The following MBNL1 variants were observed in gnomAD, a reference collection of about 807,000 sequenced individuals.
MBNL1 encodes the protein muscleblind-like protein 1.
A neutral mutation model predicts 42.2 loss-of-function variants in MBNL1; 8 were observed. That is an observed-to-expected ratio of 0.19 (90% CI 0.11 to 0.34). The LOEUF is 0.34. Among genes scored for constraint, MBNL1 ranks in the 10% least tolerant of loss-of-function variants. The pLI is 1.00. For synonymous variants in MBNL1, 169 were observed against 173.9 expected (o/e 0.97, Z 0.22); for missense variants, 309 against 495.3 (o/e 0.62, Z 3.57).
chr3:152,359,591 C>T (rs1237567585), intron 2 of MBNL1, among the ~76,000 whole-genome samples: 4 of 152,162 alleles, frequency 2.6e-5, no homozygotes. Flanking sequence ...TATTGCCAGC[C>T]AGTGTAAGCT....
intron 1 of MBNL1, among the ~76,000 whole-genome samples, chr3:152,295,525 A>C (rs1034295164): frequency 2.6e-5 from 4 of 152,180 alleles, no homozygotes; most frequent in Non-Finnish European, 5.9e-5. Context: ...CTCATTTATC[A>C]AACATTTTAA....
chr3:152,277,670 G>T (rs1267330798), intron 1 of MBNL1, among the ~76,000 whole-genome samples: 1 of 152,062 alleles, frequency 6.6e-6, no homozygotes, highest in Non-Finnish European at 1.5e-5. Flanking sequence ...ATACTTACAT[G>T]TCTTTTTAGT....
chr3:152,436,016 C>T (rs2099074451), intron 4 of MBNL1, among the ~76,000 whole-genome samples: 1 of 152,088 alleles, frequency 6.6e-6, no homozygotes, highest in Admixed American at 6.5e-5. Context: ...TCCTCTCTTC[C>T]TATTTGGATA....
At chr3:152,316,828 G>T (rs1311690578) in intron 2 of MBNL1, among the ~76,000 whole-genome samples, 1 of 151,904 alleles carries the variant, frequency 6.6e-6, no homozygotes. Flanking sequence ...AGCTGGCTTT[G>T]CCTTCTCTTT....
At chr3:152,312,557 G>A (rs1254060350) in intron 2 of MBNL1, among the ~76,000 whole-genome samples, 1 of 152,158 alleles carries the variant, frequency 6.6e-6, no homozygotes, top group Non-Finnish European at 1.5e-5. Context: ...AGTATTGATT[G>A]TTCTTATCTG....
At chr3:152,457,182 C>T (rs1028156627) in intron 8 of MBNL1, among the ~76,000 whole-genome samples, 1 of 152,144 alleles carries the variant, frequency 6.6e-6, no homozygotes, top group Non-Finnish European at 1.5e-5. Context: ...ATTCACCCAG[C>T]ATTTTCTGAT....
intron 2 of MBNL1, among the ~76,000 whole-genome samples, chr3:152,411,542 A>T (rs2098568986): frequency 6.6e-6 from 1 of 152,180 alleles, no homozygotes; most frequent in Non-Finnish European, 1.5e-5. Context: ...AAACAAAAAA[A>T]ACTGAAGACA....
At chr3:152,358,788 T>C (rs985868548) in intron 2 of MBNL1, among the ~76,000 whole-genome samples, 2 of 151,816 alleles carry the variant, frequency 1.3e-5, no homozygotes, top group Admixed American at 1.3e-4. Flanking sequence ...TATTATTATT[T>C]TAATAGAGAT....
intron 6 of MBNL1, among the ~76,000 whole-genome samples, chr3:152,450,794 T>C (rs948550828): frequency 4.6e-5 from 7 of 152,168 alleles, no homozygotes. Flanking sequence ...GGTCTTATGA[T>C]TTTTTCCCAG....
intron 2 of MBNL1, among the ~76,000 whole-genome samples, chr3:152,330,437 T>C (rs1472977058): frequency 6.6e-6 from 1 of 152,128 alleles, no homozygotes; most frequent in Non-Finnish European, 1.5e-5. Context: ...AGGACAAAAA[T>C]CTGCCCATTT....
intron 1 of MBNL1, among the ~76,000 whole-genome samples, chr3:152,288,237 A>G (rs926585948): frequency 6.6e-6 from 1 of 152,214 alleles, no homozygotes; most frequent in African/African-American, 2.4e-5. Context: ...TGAGGGCGGA[A>G]TGTTTTTATT....
At chr3:152,252,920 C>A (rs994289019) in intron 2 of MBNL1, among the ~76,000 whole-genome samples, 1 of 152,028 alleles carries the variant, frequency 6.6e-6, no homozygotes, top group African/African-American at 2.4e-5. Flanking sequence ...TGAAAATAAA[C>A]CCTAAAATTC....
At chr3:152,361,745 T>G (rs1210495269) in intron 2 of MBNL1, among the ~76,000 whole-genome samples, 1 of 152,160 alleles carries the variant, frequency 6.6e-6, no homozygotes, top group African/African-American at 2.4e-5. Flanking sequence ...GATCTTGATG[T>G]CTTGATAGTT....
intron 2 of MBNL1, among the ~76,000 whole-genome samples, chr3:152,257,460 T>C (rs1350038061): frequency 1.3e-5 from 2 of 152,138 alleles, no homozygotes; most frequent in East Asian, 3.9e-4. Context: ...TGCCTTTATT[T>C]GGCTTTCCTC....
intron 3 of MBNL1, among the ~76,000 whole-genome samples, chr3:152,422,214 CAAAAT>C (rs545464225): frequency 9.1e-4 from 96 of 104,946 alleles, no homozygotes; most frequent in Non-Finnish European, 1.5e-3. Flanking sequence ...CACATAGTCT[CAAAAT>C]AAAGGGAAAA....
At chr3:152,260,991 T>C (rs1469888458) in intron 2 of MBNL1, among the ~76,000 whole-genome samples, 2 of 152,178 alleles carry the variant, frequency 1.3e-5, no homozygotes, top group South Asian at 2.1e-4. Flanking sequence ...TCTGTTTCTA[T>C]TGAGCCAAAT....
chr3:152,418,630 A>AAAAG lies in MBNL1; in HGVS notation c.345+3520_345+3521insAAGA, dbSNP rs1553917169. ...CCCTGTCTCTAAAAAAAAAAAAAAAAAGAGAGAGAGAGAGAGAGATCTCTG... is the reference window on the plus strand; with the variant it reads ...CCCTGTCTCTAAAAAAAAAAAAAAAAAAAGAGAGAGAGAGAGAGAGAGATCTCTG... On this transcript the variant is annotated intron_variant, in intron 3 of 9. Transcript: ENST00000324210. 3.4e-3 allele frequency among the ~76,000 whole-genome samples: 497 copies of AAAAG among 145,460 alleles called. 3 individuals carry two copies. The highest frequency in any genetic ancestry group is 0.012 in the African/African-American group (470 of 38,944).
chr3:152,445,277 C>A lies in MBNL1; in HGVS notation c.550-5C>A. The stretch of plus-strand genomic sequence containing the variant: ...CTAAACCTCATGTACTTAATGACCT[C>A]ATAGGTATGTCGAGAGTACCAACGT... On this transcript the variant is annotated splice_polypyrimidine_tract_variant and splice_region_variant and intron_variant, in intron 4 of 9. Transcript: ENST00000324210. The A allele has an allele frequency of 6.2e-7, 1 of 1,612,396 alleles. No individual in the cohort carries two copies. Among genetic ancestry groups the A allele is most frequent in the South Asian group, 1.1e-5 (1 of 90,940 alleles).
chr3:152,366,510 A>G (rs1320270997), intron 2 of MBNL1, among the ~76,000 whole-genome samples: 1 of 152,206 alleles, frequency 6.6e-6, no homozygotes, highest in Non-Finnish European at 1.5e-5. Flanking sequence ...TGTTGATGCT[A>G]TGGAAAATTT....
Sources: gnomAD v4.1 joint callset for allele counts (sites outside exome capture counted in the v4.1 genomes callset) on GRCh38, gnomAD v4.1.1 for gene constraint, MANE v1.5 for transcripts, NCBI Gene and HGNC (gene_info 2026-07-23, HGNC 2026-07-21) for gene names.